The following PRR33 variants were observed in gnomAD, a reference collection of about 807,000 sequenced individuals.
PRR33 encodes proline-rich protein 33.
Under a neutral mutation model 0.5 loss-of-function variants are expected in PRR33, and 1 was observed. The observed-to-expected ratio is 2.18, with a 90% CI of 0.77 to 10.34. The LOEUF (loss-of-function observed/expected upper bound fraction) is 10.34, where lower values mean the gene tolerates loss of function less well. Ranked by LOEUF, PRR33 falls within the 30% of genes most tolerant of loss-of-function variation. The pLI, the probability that PRR33 is intolerant of heterozygous loss-of-function variation, is 0.13. For synonymous variants in PRR33, 226 were observed against 110.0 expected, an observed-to-expected ratio of 2.06 and a Z score of -6.60; for missense variants, 552 against 251.8, an observed-to-expected ratio of 2.19 and a Z score of -8.07.
At chr11:1,914,628 G>C in the PRR33 span, among the ~76,000 whole-genome samples, 3 of 142,624 alleles carry the variant, frequency 2.1e-5, no homozygotes, top group South Asian at 6.8e-4. Flanking sequence ...CACACACCTG[G>C]GGATGATGCT....
At chr11:1,888,076 C>T (rs1848831695), downstream of PRR33, among the ~76,000 whole-genome samples, 1 of 152,166 alleles carries the variant, frequency 6.6e-6, no homozygotes, top group African/African-American at 2.4e-5. Context: ...CAGTGCCACT[C>T]CTGCCATGGT....
chr11:1,889,258 C>T (rs571615961), exon 1 of PRR33: 24 of 677,524 alleles, frequency 3.5e-5, no homozygotes, highest in South Asian at 1.7e-4. Context: ...AGCTTCCGGG[C>T]GTTGAAGCGA....
At chr11:1,906,410 G>T in the PRR33 span, among the ~76,000 whole-genome samples, 444 of 152,236 alleles carry the variant, frequency 2.9e-3, 4 homozygotes, top group African/African-American at 0.01. Context: ...CTGAGTGACT[G>T]ATATTTCCTC....
rs748234699 is a variant in PRR33, at chr11:1,889,453, CAGGCACCTCCTGCTCTGTGGGGGT to C, written c.1108_1131del (p.Thr370_Pro377del). ...GCGGGCACCTCCTGCTCTGTGGGGGCAGGCACCTCCTGCTCTGTGGGGGTGGGCACCTCTGGCTCCAGGCTCTGC... is the reference window on the plus strand; with the variant it reads ...GCGGGCACCTCCTGCTCTGTGGGGGCGGGCACCTCTGGCTCCAGGCTCTGC... On this transcript the variant is annotated inframe_deletion, in exon 1 of 1. Transcript: ENST00000640310. 2.5e-4 allele frequency: 160 copies of C among 642,082 alleles called. 2 individuals are homozygous for C. The highest frequency in any genetic ancestry group is 1.7e-3 in the Admixed American group (72 of 41,172). 39.8% of individuals were successfully genotyped at this position (642,082 alleles called of 1,614,324 possible).
chr11:1,916,719 T>G, the PRR33 span, among the ~76,000 whole-genome samples: 1 of 152,164 alleles, frequency 6.6e-6, no homozygotes, highest in South Asian at 2.1e-4. Flanking sequence ...ACCCCTCGGC[T>G]CAGCCTCGAG....
chr11:1,914,013 G>T, the PRR33 span, among the ~76,000 whole-genome samples: 4 of 152,238 alleles, frequency 2.6e-5, no homozygotes, highest in Non-Finnish European at 5.9e-5. Flanking sequence ...CTCCTGGGGG[G>T]CCTTTCAGAA....
At chr11:1,914,445 G>T in the PRR33 span, among the ~76,000 whole-genome samples, 1 of 151,018 alleles carries the variant, frequency 6.6e-6, no homozygotes. Flanking sequence ...GTCTGTGTGT[G>T]TGTTGTTGGG....
the PRR33 span, among the ~76,000 whole-genome samples, chr11:1,909,095 G>A: frequency 6.6e-6 from 1 of 152,216 alleles, no homozygotes; most frequent in Non-Finnish European, 1.5e-5. Context: ...GCTTAAGAAA[G>A]ACAACATGGC....
At chr11:1,913,461 A>C in the PRR33 span, among the ~76,000 whole-genome samples, 1 of 151,964 alleles carries the variant, frequency 6.6e-6, no homozygotes, top group African/African-American at 2.4e-5. Flanking sequence ...TTTCTGATAT[A>C]AGCATCCAGG....
At chr11:1,889,952 A>G in exon 1 of PRR33, 1 of 626,916 alleles carries the variant, frequency 1.6e-6, no homozygotes, top group South Asian at 1.9e-5. Flanking sequence ...TTGGGGTGGC[A>G]TCTCCATCCT....
chr11:1,911,805 T>C, the PRR33 span, among the ~76,000 whole-genome samples: 8 of 152,062 alleles, frequency 5.3e-5, no homozygotes, highest in African/African-American at 1.9e-4. Flanking sequence ...CTTTACATGC[T>C]TTATGTGTTG....
At chr11:1,911,481 G>A in the PRR33 span, among the ~76,000 whole-genome samples, 5 of 151,630 alleles carry the variant, frequency 3.3e-5, no homozygotes, top group African/African-American at 1.2e-4. Flanking sequence ...TAAGTGGCAC[G>A]ATCTCAGCTC....
chr11:1,892,563 G>A (rs566879558), upstream of PRR33, among the ~76,000 whole-genome samples: 16 of 152,346 alleles, frequency 1.1e-4, no homozygotes, highest in African/African-American at 3.9e-4. Context: ...CACCCACTGA[G>A]GGCAAGATCC....
chr11:1,915,334 TTCTGTA>T, the PRR33 span, among the ~76,000 whole-genome samples: 1 of 148,628 alleles, frequency 6.7e-6, no homozygotes, highest in East Asian at 2.0e-4. Flanking sequence ...GAGATGATGT[TTCTGTA>T]TGTGTGTGTC....
chr11:1,899,314 C>T, the PRR33 span, among the ~76,000 whole-genome samples: 2 of 152,092 alleles, frequency 1.3e-5, no homozygotes, highest in East Asian at 3.9e-4. Context: ...AGATAACGAA[C>T]CCAGGGTTCA....
upstream of PRR33, among the ~76,000 whole-genome samples, chr11:1,893,253 G>T (rs956467093): frequency 1.1e-4 from 16 of 147,266 alleles, no homozygotes; most frequent in Non-Finnish European, 2.3e-4. Context: ...TGGGTGAGTG[G>T]ATGAATGGTT....
upstream of PRR33, among the ~76,000 whole-genome samples, chr11:1,895,199 C>T (rs962037188): frequency 2.6e-5 from 4 of 151,956 alleles, no homozygotes; most frequent in African/African-American, 9.7e-5. Context: ...GTGGCGCCAT[C>T]TTGGCCCACT....
the PRR33 span, among the ~76,000 whole-genome samples, chr11:1,904,145 T>A: frequency 3.3e-5 from 5 of 152,320 alleles, no homozygotes; most frequent in East Asian, 9.6e-4. Flanking sequence ...GAGGGCACAG[T>A]GGGCCCTGTG....
chr11:1,905,293 A>G, the PRR33 span, among the ~76,000 whole-genome samples: 1 of 151,306 alleles, frequency 6.6e-6, no homozygotes, highest in Non-Finnish European at 1.5e-5. Context: ...ACACCTAGCT[A>G]ATTTTTAAAT....
Sources: gnomAD v4.1 joint callset for allele counts (sites outside exome capture counted in the v4.1 genomes callset) on GRCh38, gnomAD v4.1.1 for gene constraint, MANE v1.5 for transcripts, NCBI Gene and HGNC (gene_info 2026-07-23, HGNC 2026-07-21) for gene names.